The following PRKN variants were observed in gnomAD, a reference collection of about 807,000 sequenced individuals.
PRKN encodes parkin RBR E3 ubiquitin protein ligase, also known as E3 ubiquitin-protein ligase parkin.
In PRKN, 56 loss-of-function variants were observed where a neutral mutation model predicts 59.5. The ratio of observed to expected loss-of-function variants is 0.94; its 90% confidence interval spans 0.76 to 1.18. The LOEUF (loss-of-function observed/expected upper bound fraction) is 1.18, where lower values mean the gene tolerates loss of function less well. Ranked by LOEUF, PRKN falls within the 50% of genes most tolerant of loss-of-function variation. The pLI is 0.00. For synonymous variants in PRKN, 250 were observed against 222.1 expected, an observed-to-expected ratio of 1.13 and a Z score of -1.12; for missense variants, 657 against 596.4, an observed-to-expected ratio of 1.10 and a Z score of -1.06.
chr6:162,158,438 T>TC (rs1782619254), intron 4 of PRKN, among the ~76,000 whole-genome samples: 1 of 149,620 alleles, frequency 6.7e-6, no homozygotes, highest in Non-Finnish European at 1.5e-5. Flanking sequence ...TTTTTTCTTT[T>TC]GGTTTGTTTT....
At chr6:161,998,643 C>G (rs1315767194) in intron 5 of PRKN, among the ~76,000 whole-genome samples, 1 of 152,016 alleles carries the variant, frequency 6.6e-6, no homozygotes, top group African/African-American at 2.4e-5. Flanking sequence ...GACTGCCATT[C>G]CTAAAAAACA....
chr6:162,129,158 G>A (rs1781242935), intron 4 of PRKN, among the ~76,000 whole-genome samples: 1 of 152,142 alleles, frequency 6.6e-6, no homozygotes, highest in Non-Finnish European at 1.5e-5. Context: ...TTCCTGATCA[G>A]ATTTTATCAG....
At chr6:162,213,262 G>T (rs749735929) in intron 3 of PRKN, among the ~76,000 whole-genome samples, 3 of 152,228 alleles carry the variant, frequency 2.0e-5, no homozygotes, top group South Asian at 2.1e-4. Flanking sequence ...AATATTGGGG[G>T]AAATCTCATG....
At chr6:162,491,820 T>TA (rs1326010321) in intron 1 of PRKN, among the ~76,000 whole-genome samples, 2 of 152,210 alleles carry the variant, frequency 1.3e-5, no homozygotes, top group Non-Finnish European at 2.9e-5. Flanking sequence ...CATGTCTTGA[T>TA]AACATGCCAG....
At chr6:162,583,453 A>G (rs1488764386) in intron 1 of PRKN, among the ~76,000 whole-genome samples, 1 of 151,954 alleles carries the variant, frequency 6.6e-6, no homozygotes, top group Non-Finnish European at 1.5e-5. Flanking sequence ...AACAAACAAA[A>G]CTCCACCTGT....
intron 9 of PRKN, among the ~76,000 whole-genome samples, chr6:161,443,178 T>C (rs1048809879): frequency 6.6e-6 from 1 of 151,926 alleles, no homozygotes; most frequent in Non-Finnish European, 1.5e-5. Flanking sequence ...GTGGTGGTGG[T>C]GCATGCCTGT....
intron 1 of PRKN, among the ~76,000 whole-genome samples, chr6:162,500,392 G>C (rs979517520): frequency 1.4e-5 from 2 of 145,442 alleles, no homozygotes; most frequent in African/African-American, 5.1e-5. Context: ...GGCTGGTCTT[G>C]AACTCCCGAC....
At chr6:161,712,905 C>A (rs1417885119) in intron 7 of PRKN, among the ~76,000 whole-genome samples, 1 of 152,098 alleles carries the variant, frequency 6.6e-6, no homozygotes, top group African/African-American at 2.4e-5. Context: ...AAGCAGTTCT[C>A]CAGTGGACAC....
intron 5 of PRKN, among the ~76,000 whole-genome samples, chr6:161,990,754 T>C (rs1781615335): frequency 6.6e-6 from 1 of 152,162 alleles, no homozygotes; most frequent in Non-Finnish European, 1.5e-5. Flanking sequence ...ATGGGATATA[T>C]GGGACACCAC....
chr6:161,999,090 C>T (rs1188310227), intron 5 of PRKN, among the ~76,000 whole-genome samples: 1 of 152,062 alleles, frequency 6.6e-6, no homozygotes, highest in African/African-American at 2.4e-5. Flanking sequence ...TTTCTAACAA[C>T]CGCAACACAG....
chr6:161,645,770 T>C (rs915835741), intron 7 of PRKN, among the ~76,000 whole-genome samples: 8 of 152,246 alleles, frequency 5.3e-5, no homozygotes, highest in African/African-American at 1.4e-4. Flanking sequence ...AGCAGAATAA[T>C]GGCACTGTGC....
chr6:162,360,154 A>C (rs1241766742), intron 2 of PRKN, among the ~76,000 whole-genome samples: 1 of 151,976 alleles, frequency 6.6e-6, no homozygotes, highest in Non-Finnish European at 1.5e-5. Context: ...ATAAGTGGAA[A>C]AATTTGTTTC....
intron 1 of PRKN, among the ~76,000 whole-genome samples, chr6:162,619,599 G>C (rs1006993451): frequency 6.6e-6 from 1 of 152,070 alleles, no homozygotes; most frequent in Non-Finnish European, 1.5e-5. Flanking sequence ...AAATGAACCT[G>C]ACTGAATCTG....
chr6:161,916,748 C>T (rs1477467976), intron 6 of PRKN, among the ~76,000 whole-genome samples: 1 of 152,178 alleles, frequency 6.6e-6, no homozygotes, highest in African/African-American at 2.4e-5. Flanking sequence ...TTGCAAATTA[C>T]ACAGATAGTA....
chr6:161,888,734 G>A (rs1426255929), intron 6 of PRKN, among the ~76,000 whole-genome samples: 1 of 151,982 alleles, frequency 6.6e-6, no homozygotes, highest in Non-Finnish European at 1.5e-5. Flanking sequence ...AATCCCTTTA[G>A]TAACCCCACT....
chr6:162,662,670 T>C (rs931999022), intron 1 of PRKN, among the ~76,000 whole-genome samples: 1 of 152,192 alleles, frequency 6.6e-6, no homozygotes, highest in African/African-American at 2.4e-5. Context: ...CACCATTTAT[T>C]GAATAGGGTG....
intron 3 of PRKN, among the ~76,000 whole-genome samples, chr6:162,243,541 G>C (rs558923400): frequency 1.8e-4 from 27 of 152,140 alleles, no homozygotes; most frequent in South Asian, 1.5e-3. Context: ...CAGTATAACA[G>C]GTACATTTAA....
At chr6:162,224,478 C>T (rs573015835) in intron 3 of PRKN, among the ~76,000 whole-genome samples, 108 of 152,216 alleles carry the variant, frequency 7.1e-4, no homozygotes, top group South Asian at 1.0e-3. Flanking sequence ...GATCACCTAA[C>T]GGTGGACTAC....
chr6:162,246,278 C>T lies in PRKN; in HGVS notation c.412+16247G>A, dbSNP rs1779189667. Among the ~76,000 whole-genome samples the T allele has an allele frequency of 1.3e-5, 2 of 151,966 alleles. 1 individual carries two copies. Among genetic ancestry groups the T allele is most frequent in the Admixed American group, 1.3e-4 (2 of 15,230 alleles). ...TTATAGGAAGAGGAAATTTACACACCAGACAAGAGGGTATGTAGAGGAAAC... is the reference window on the plus strand; with the variant it reads ...TTATAGGAAGAGGAAATTTACACACTAGACAAGAGGGTATGTAGAGGAAAC... On this transcript the variant is annotated intron_variant, in intron 3 of 11. Coordinates refer to ENST00000366898, the MANE Select transcript of PRKN (RefSeq NM_004562.3).
Sources: allele counts gnomAD v4.1 joint callset (sites outside exome capture counted in the v4.1 genomes callset), GRCh38; gene constraint gnomAD v4.1.1; transcripts MANE v1.5; gene names NCBI Gene and HGNC (gene_info 2026-07-23, HGNC 2026-07-21).